Variants in COG6 observed in about 807,000 individuals in gnomAD.
The protein encoded by COG6 is component of oligomeric golgi complex 6.
COG6 carries 74 observed loss-of-function variants against 88.8 expected under a neutral mutation model. The ratio of observed to expected loss-of-function variants is 0.83; its 90% confidence interval spans 0.69 to 1.01. The LOEUF (loss-of-function observed/expected upper bound fraction) is 1.01. Among genes scored for constraint, COG6 ranks in the 50% least tolerant of loss-of-function variants. COG6 has a pLI of 0.00. For missense variants in COG6, 800 were observed against 797.9 expected (o/e 1.00, Z -0.03); for synonymous variants, 286 against 278.7 (o/e 1.03, Z -0.26).
In COG6 at chr13:39,687,241, C is replaced by G. The variant is rs17445347; in HGVS notation, c.789-262C>G. On this transcript the variant is annotated intron_variant, in intron 8 of 18. Coordinates refer to ENST00000455146, the MANE Select transcript of COG6 (RefSeq NM_020751.3). ...AAGTCCATTGCTTTATCCCTTATTA[C>G]TGCTGCCTCTGCTTTAGTCCCAAAT... Among the ~76,000 whole-genome samples the G allele has an allele frequency of 0.059, 8,982 of 152,192 alleles. 379 individuals are homozygous for G. Among genetic ancestry groups the G allele is most frequent in the Non-Finnish European group, 0.094 (6,424 of 67,994 alleles).
At chr13:39,772,511 T>A (rs1300729594) in intron 18 of COG6, among the ~76,000 whole-genome samples, 1 of 152,232 alleles carries the variant, frequency 6.6e-6, no homozygotes, top group Non-Finnish European at 1.5e-5. Context: ...ATCTTTGTGT[T>A]CTTTATAGGA....
chr13:39,756,201 T>G (rs1296222354), downstream of COG6, among the ~76,000 whole-genome samples: 4 of 152,112 alleles, frequency 2.6e-5, no homozygotes, highest in Admixed American at 2.6e-4. Flanking sequence ...TTACACTTTA[T>G]AAAAATTATG....
chr13:39,728,957 C>G (rs536708975), intron 18 of COG6, among the ~76,000 whole-genome samples: 1 of 152,236 alleles, frequency 6.6e-6, no homozygotes, highest in East Asian at 1.9e-4. Flanking sequence ...GCCACTGCGC[C>G]CGGCCAATGT....
intron 4 of COG6, among the ~76,000 whole-genome samples, chr13:39,667,429 A>C (rs1480272002): frequency 1.3e-5 from 2 of 152,184 alleles, no homozygotes; most frequent in African/African-American, 4.8e-5. Flanking sequence ...AATTGCCTGG[A>C]TAGAAATTAA....
chr13:39,655,678 T>G lies in COG6; in HGVS notation c.-49T>G. 1 of 1,552,276 alleles carries G rather than the reference T, an allele frequency of 6.4e-7. No homozygotes were observed. The highest frequency in any genetic ancestry group is 8.7e-7 in the Non-Finnish European group (1 of 1,147,210). On this transcript the variant is annotated 5_prime_UTR_variant, in exon 1 of 19. Transcript: ENST00000455146. ...ATGCGCAATACTCGCGCTGCCTCCG[T>G]GGTCCCTGCCTGGCTGAGGTGGCAG...
intron 18 of COG6, among the ~76,000 whole-genome samples, chr13:39,766,469 T>C (rs1239864510): frequency 1.3e-5 from 2 of 152,122 alleles, no homozygotes; most frequent in Non-Finnish European, 2.9e-5. Context: ...GTAGCCTTTG[T>C]AACTCCAAAT....
At chr13:39,702,600 ACAT>A (rs1441183009) in intron 13 of COG6, among the ~76,000 whole-genome samples, 2 of 152,068 alleles carry the variant, frequency 1.3e-5, no homozygotes, top group Non-Finnish European at 1.5e-5. Flanking sequence ...CTAACAGCCA[ACAT>A]CATAATTAAT....
intron 8 of COG6, among the ~76,000 whole-genome samples, chr13:39,687,246 G>A (rs1048376436): frequency 9.2e-5 from 14 of 152,028 alleles, no homozygotes; most frequent in African/African-American, 3.4e-4. Context: ...TATTACTGCT[G>A]CCTCTGCTTT....
At chr13:39,766,865 A>G (rs1489731456) in intron 18 of COG6, among the ~76,000 whole-genome samples, 1 of 152,222 alleles carries the variant, frequency 6.6e-6, no homozygotes, top group Non-Finnish European at 1.5e-5. Context: ...TATCTGAAGA[A>G]TCAACAGAGT....
intron 13 of COG6, among the ~76,000 whole-genome samples, chr13:39,705,759 T>C (rs2138046661): frequency 6.6e-6 from 1 of 152,268 alleles, no homozygotes; most frequent in East Asian, 1.9e-4. Context: ...AGTATGTGGA[T>C]TAGCAGCTTG....
intron 1 of COG6, among the ~76,000 whole-genome samples, chr13:39,658,146 C>CT (rs1235361524): frequency 1.7e-3 from 227 of 132,328 alleles, no homozygotes; most frequent in Middle Eastern, 7.6e-3. Flanking sequence ...TTTGGAATAT[C>CT]TTTTTTTTTT....
intron 4 of COG6, among the ~76,000 whole-genome samples, chr13:39,665,723 T>C (rs1353389668): frequency 2.0e-4 from 30 of 152,206 alleles, no homozygotes; most frequent in Non-Finnish European, 2.9e-5. Flanking sequence ...TGGAGTAGTA[T>C]AGGGGGGGAG....
chr13:39,687,535 G>T lies in COG6; in HGVS notation c.821G>T (p.Arg274Ile), dbSNP rs1566179848. The T allele has an allele frequency of 1.9e-6, 3 of 1,613,298 alleles. No homozygotes were observed. The highest frequency in any genetic ancestry group is 2.5e-6 in the Non-Finnish European group (3 of 1,179,504). The stretch of plus-strand genomic sequence containing the variant: ...TTAGATGAATTTGGAACAGCCAGAA[G>T]AAGTACAGTTGTTCGTGGATTTATT... The part of the protein sequence containing the change: ...YTLDEFGTAR[R>I]STVVRGFIDA... Residue 274 changes from arginine to isoleucine, a missense_variant, in exon 9 of 19, where the codon AGA (arginine) becomes ATA (isoleucine). Coordinates refer to ENST00000455146, the MANE Select transcript of COG6 (RefSeq NM_020751.3).
chr13:39,664,732 G>A lies in COG6; in HGVS notation c.370-364G>A, dbSNP rs955869564. Among the ~76,000 whole-genome samples the A allele has an allele frequency of 7.2e-5, 11 of 152,198 alleles. 1 individual carries two copies. The highest frequency in any genetic ancestry group is 1.3e-4 in the Non-Finnish European group (9 of 68,040). On this transcript the variant is annotated intron_variant, in intron 3 of 18. Coordinates refer to ENST00000455146, the MANE Select transcript of COG6 (RefSeq NM_020751.3). ...TCAGTGACTTAGTTAACAACCCCAT[G>A]TAAAGGTTGCATGGTATCTCAGTTC...
intron 13 of COG6, among the ~76,000 whole-genome samples, chr13:39,712,144 C>T (rs1019290169): frequency 6.6e-6 from 1 of 152,172 alleles, no homozygotes; most frequent in African/African-American, 2.4e-5. Flanking sequence ...AGGCGTGAGT[C>T]ACCATGCCCA....
At chr13:39,673,277 A>G (rs1350983149) in intron 4 of COG6, among the ~76,000 whole-genome samples, 1 of 151,790 alleles carries the variant, frequency 6.6e-6, no homozygotes, top group Non-Finnish European at 1.5e-5. Context: ...TTATTTTTCA[A>G]TGTATTTTTG....
intron 11 of COG6, among the ~76,000 whole-genome samples, chr13:39,693,876 C>T (rs545593825): frequency 1.3e-5 from 2 of 152,006 alleles, no homozygotes; most frequent in African/African-American, 2.4e-5. Flanking sequence ...AGGCAGAAGA[C>T]ATAATGTCTA....
In COG6 at chr13:39,748,035, G is replaced by A. The variant is rs551476763; in HGVS notation, c.1827-2911G>A. Among the ~76,000 whole-genome samples, 24 of 152,224 alleles carry A rather than the reference G, an allele frequency of 1.6e-4. No homozygotes were observed. The South Asian group carries it at 4.4e-3, about 28-fold the overall frequency. Reference sequence around the variant, plus strand: ...CCTTATATACGATCAAATATATGCTGTATTGAGATTGAGTATAGACTTGAG... The same window carrying A: ...CCTTATATACGATCAAATATATGCTATATTGAGATTGAGTATAGACTTGAG... On this transcript the variant is annotated intron_variant, in intron 18 of 18. Coordinates refer to ENST00000455146, the MANE Select transcript of COG6 (RefSeq NM_020751.3).
downstream of COG6, chr13:39,752,771 A>G (rs1880708564): frequency 1.4e-6 from 1 of 711,954 alleles, no homozygotes; most frequent in Admixed American, 4.8e-5. Context: ...AATGTGGTAT[A>G]TATGATCTTG....
Sources: gnomAD v4.1 joint callset for allele counts (sites outside exome capture counted in the v4.1 genomes callset) on GRCh38, gnomAD v4.1.1 for gene constraint, MANE v1.5 for transcripts, NCBI Gene and HGNC (gene_info 2026-07-23, HGNC 2026-07-21) for gene names.